The following CRTC3 variants were observed in gnomAD, a reference collection of about 807,000 sequenced individuals.
CRTC3 encodes CREB-regulated transcription coactivator 3.
Under a neutral mutation model 74.5 loss-of-function variants are expected in CRTC3, and 26 were observed. The observed-to-expected ratio is 0.35, with a 90% CI of 0.26 to 0.48. CRTC3 has a LOEUF of 0.48. Ranked by LOEUF, CRTC3 falls within the 20% of genes least tolerant of loss-of-function variation. The probability of loss-of-function intolerance (pLI) is 0.99; values close to 1 mark genes in which losing one functional copy is unlikely to be tolerated. For synonymous variants in CRTC3, 377 were observed against 325.8 expected (o/e 1.16, Z -1.69); for missense variants, 760 against 787.3 (o/e 0.97, Z 0.41).
At position 90,642,587 on chromosome 15, in the gene CRTC3, CGAT is replaced by C. The variant is rs1354946442; in HGVS notation, c.*449_*451del. ...GGCGGCGGCACCGGAGAGGGCACCT[CGAT>C]GCCTGCTCTGACCTGACCCAGAGGG... is the stretch of plus-strand genomic sequence containing the variant. On this transcript the variant is annotated 3_prime_UTR_variant, in exon 15 of 15. Transcript: ENST00000268184. The C allele has an allele frequency of 3.3e-6, 1 of 307,246 alleles. No homozygotes were observed. Among genetic ancestry groups the C allele is most frequent in the South Asian group, 5.9e-5 (1 of 16,904 alleles). The allele number at this position is 307,246 out of a possible 1,614,324, so 19.0% of individuals were successfully genotyped here.
chr15:90,547,909 T>G (rs112035187), intron 2 of CRTC3, among the ~76,000 whole-genome samples: 35 of 81,336 alleles, frequency 4.3e-4, no homozygotes, highest in Middle Eastern at 7.9e-3. Flanking sequence ...TTTTTTTTTT[T>G]GTGACAAGGT....
chr15:90,621,163 GAAACAA>G (rs143567146), intron 9 of CRTC3, among the ~76,000 whole-genome samples: 100,961 of 150,834 alleles, frequency 0.67, 34,809 homozygotes, highest in South Asian at 0.77. Flanking sequence ...TGGAAATTTG[GAAACAA>G]AAACAAAAAC....
rs552436950 is a variant in CRTC3 at position 90,623,868 on chromosome 15, G to A, written c.750-1908G>A. On this transcript the variant is annotated intron_variant, in intron 9 of 14. Transcript: ENST00000268184. The stretch of plus-strand genomic sequence containing the variant: ...GGTCTGAATCCTCACAGTTCTGAGG[G>A]CACACCATGTGGTCTCACACCTCCC... Among the ~76,000 whole-genome samples the A allele has an allele frequency of 2.6e-5, 4 of 152,196 alleles. No homozygotes were observed. In the South Asian group the frequency reaches 8.3e-4, roughly 32 times the overall value.
At chr15:90,622,437 ATCTT>A (rs879861059) in intron 9 of CRTC3, among the ~76,000 whole-genome samples, 2 of 152,164 alleles carry the variant, frequency 1.3e-5, no homozygotes, top group East Asian at 1.9e-4. Flanking sequence ...TCACCCATGG[ATCTT>A]TCTTCTCAGT....
intron 2 of CRTC3, among the ~76,000 whole-genome samples, chr15:90,568,349 A>T (rs1230259065): frequency 2.0e-5 from 3 of 152,134 alleles, no homozygotes; most frequent in Admixed American, 2.0e-4. Context: ...GTTCGAGAGG[A>T]TTGACTCCAA....
chr15:90,620,765 T>C (rs1968623951), intron 9 of CRTC3, among the ~76,000 whole-genome samples: 1 of 152,170 alleles, frequency 6.6e-6, no homozygotes, highest in Admixed American at 6.5e-5. Context: ...TAATGTGGTT[T>C]GGAAATGGGA....
intron 4 of CRTC3, 65 bp from the exon 5 acceptor site, chr15:90,604,320 T>C: frequency 2.4e-6 from 3 of 1,273,694 alleles, no homozygotes; most frequent in East Asian, 2.3e-5. Flanking sequence ...ATGCAAGTGC[T>C]GAGGCCCTCC....
At position 90,614,446 on chromosome 15, in the gene CRTC3, C is replaced by G; in HGVS notation, c.578-7C>G. The G allele has an allele frequency of 6.2e-7, 1 of 1,604,568 alleles. No individual in the cohort carries two copies. ...GTTTTCTTTTTTTCTTTTTCCTTTC[C>G]CGCTAGGTTTCTGTGATGGTGAGAA... On this transcript the variant is annotated splice_polypyrimidine_tract_variant and splice_region_variant and intron_variant, in intron 6 of 14. Transcript: ENST00000268184.
At chr15:90,566,815 A>G (rs578022483) in intron 2 of CRTC3, among the ~76,000 whole-genome samples, 1 of 151,020 alleles carries the variant, frequency 6.6e-6, no homozygotes, top group Non-Finnish European at 1.5e-5. Context: ...AGTTCAAGCA[A>G]TTCTCTTGCT....
At chr15:90,536,172 G>A (rs2151054079) in intron 1 of CRTC3, among the ~76,000 whole-genome samples, 1 of 152,262 alleles carries the variant, frequency 6.6e-6, no homozygotes. Flanking sequence ...ATAGCACACT[G>A]TCTGTATATT....
chr15:90,539,823 T>A, intron 1 of CRTC3: 1 of 535,036 alleles, frequency 1.9e-6, no homozygotes, highest in South Asian at 2.2e-5. Flanking sequence ...TATCATGGTA[T>A]ATGGGACATT....
intron 2 of CRTC3, among the ~76,000 whole-genome samples, chr15:90,559,568 A>G (rs151045836): frequency 1.7e-4 from 26 of 152,274 alleles, no homozygotes; most frequent in Non-Finnish European, 3.4e-4. Context: ...CATTATTTTC[A>G]TGTATATTTT....
chr15:90,550,936 C>T (rs1040941272), intron 2 of CRTC3, among the ~76,000 whole-genome samples: 10 of 151,942 alleles, frequency 6.6e-5, no homozygotes, highest in Non-Finnish European at 1.3e-4. Context: ...GAGAAGCTTA[C>T]GGAATGAAAC....
chr15:90,568,992 CT>C (rs35646500), intron 2 of CRTC3, among the ~76,000 whole-genome samples: 66 of 147,870 alleles, frequency 4.5e-4, no homozygotes, highest in South Asian at 6.3e-4. Flanking sequence ...TATAACGAAA[CT>C]TTTTTTTTTT....
chr15:90,543,134 G>GA (rs34961335), intron 2 of CRTC3, among the ~76,000 whole-genome samples: 52,109 of 124,152 alleles, frequency 0.42, 11,777 homozygotes, highest in African/African-American at 0.55. Context: ...TGTCTCTACT[G>GA]AAAAAAAAAA....
At position 90,598,823 on chromosome 15, in the gene CRTC3, C is replaced by T. The variant is rs116628093; in HGVS notation, c.352-3501C>T. 2.5e-3 allele frequency: 796 copies of T among 314,386 alleles called. 13 individuals carry two copies. The highest frequency in any genetic ancestry group is 0.016 in the African/African-American group (740 of 46,448). 19.5% of individuals were successfully genotyped at this position (314,386 alleles called of 1,614,324 possible). On this transcript the variant is annotated intron_variant, in intron 3 of 14. Coordinates refer to ENST00000268184, the MANE Select transcript of CRTC3 (RefSeq NM_022769.5). ...TGACAGTGGGGCCGAGGGAAGGATG[C>T]GATTGGCCAAGGCGAGCATGGAGGA... is the stretch of plus-strand genomic sequence containing the variant.
chr15:90,622,712 A>G (rs752136370), intron 9 of CRTC3, among the ~76,000 whole-genome samples: 1 of 152,068 alleles, frequency 6.6e-6, no homozygotes, highest in South Asian at 2.1e-4. Context: ...TTTGCTGGGT[A>G]TGGTAGTACA....
chr15:90,593,649 A>C lies in CRTC3; in HGVS notation c.245A>C (p.Gln82Pro). Residue 82 changes from glutamine to proline, a missense_variant, in exon 3 of 15, where the codon CAA becomes CCA. Coordinates refer to ENST00000268184, the MANE Select transcript of CRTC3 (RefSeq NM_022769.5). ...TTCTCTCTGCAGCCGTCATTTCACC[A>C]AGCTGATAATGTTCGGGGAACCCGC... Reference protein sequence around the residue: ...SASEFQPSFHQADNVRGTRHH... With the variant: ...SASEFQPSFHPADNVRGTRHH... 6.2e-7 allele frequency: 1 copy of C among 1,607,804 alleles called. No homozygotes were observed. The highest frequency in any genetic ancestry group is 8.5e-7 in the Non-Finnish European group (1 of 1,174,658).
chr15:90,566,563 A>AAG (rs923528302), intron 2 of CRTC3, among the ~76,000 whole-genome samples: 1 of 149,930 alleles, frequency 6.7e-6, no homozygotes, highest in Non-Finnish European at 1.5e-5. Context: ...AAAAAAAAAA[A>AAG]GAGGAAGAAG....
Sources: allele counts gnomAD v4.1 joint callset (sites outside exome capture counted in the v4.1 genomes callset), GRCh38; gene constraint gnomAD v4.1.1; transcripts MANE v1.5; gene names NCBI Gene and HGNC (gene_info 2026-07-23, HGNC 2026-07-21).